DPP10: variants seen among roughly 807,000 people sequenced by gnomAD.
DPP10 encodes the protein inactive dipeptidyl peptidase 10.
Under a neutral mutation model 120.9 loss-of-function variants are expected in DPP10, and 33 were observed. That is an observed-to-expected ratio of 0.27 (90% CI 0.21 to 0.37). The LOEUF is 0.37. DPP10 is among the 10% of genes least tolerant of loss of function. The pLI is 1.00. For synonymous variants in DPP10, 337 were observed against 326.1 expected, an observed-to-expected ratio of 1.03 and a Z score of -0.36; for missense variants, 816 against 942.8, an observed-to-expected ratio of 0.87 and a Z score of 1.76.
chr2:114,614,302 A>G (rs1326988332), intron 1 of DPP10, among the ~76,000 whole-genome samples: 1 of 152,164 alleles, frequency 6.6e-6, no homozygotes, highest in East Asian at 1.9e-4. Context: ...TATGTTAAGC[A>G]TTGATCAAAC....
At chr2:115,468,546 G>A in intron 3 of DPP10, 1 of 427,660 alleles carries the variant, frequency 2.3e-6, no homozygotes, top group Non-Finnish European at 4.6e-6. Flanking sequence ...ACTCAACAAA[G>A]GAGCTCACTC....
intron 1 of DPP10, among the ~76,000 whole-genome samples, chr2:115,275,653 G>A (rs2059882524): frequency 6.6e-6 from 1 of 150,794 alleles, no homozygotes; most frequent in Admixed American, 6.6e-5. Context: ...TAAGCCATGG[G>A]AACAATTCTT....
chr2:114,985,378 T>A (rs1169743601), intron 1 of DPP10, among the ~76,000 whole-genome samples: 3 of 152,364 alleles, frequency 2.0e-5, no homozygotes, highest in East Asian at 1.9e-4. Context: ...TCACCATATT[T>A]ATTTTCTTCA....
chr2:114,655,053 C>T (rs767795332), intron 1 of DPP10, among the ~76,000 whole-genome samples: 4 of 152,104 alleles, frequency 2.6e-5, no homozygotes. Flanking sequence ...AACTTCGGTG[C>T]TTCATACACA....
chr2:115,205,201 C>T (rs1442780835), intron 1 of DPP10, among the ~76,000 whole-genome samples: 1 of 152,082 alleles, frequency 6.6e-6, no homozygotes, highest in African/African-American at 2.4e-5. Flanking sequence ...CCTAGATTTT[C>T]TTCTATAATT....
chr2:115,408,078 C>G (rs979856225), intron 3 of DPP10, among the ~76,000 whole-genome samples: 3 of 151,862 alleles, frequency 2.0e-5, no homozygotes, highest in Non-Finnish European at 4.4e-5. Context: ...TTGTATCTCC[C>G]AGTCTCGGTG....
intron 1 of DPP10, among the ~76,000 whole-genome samples, chr2:115,245,846 T>C (rs2105615944): frequency 6.6e-6 from 1 of 152,270 alleles, no homozygotes; most frequent in African/African-American, 2.4e-5. Flanking sequence ...TCCTTATATA[T>C]ATCTTAATGA....
chr2:114,543,395 A>G (rs987870424), intron 1 of DPP10, among the ~76,000 whole-genome samples: 10 of 152,192 alleles, frequency 6.6e-5, no homozygotes, highest in African/African-American at 2.4e-4. Flanking sequence ...CTAAAGAAAA[A>G]GTAGGAAATA....
chr2:114,945,586 G>C (rs1178457096), intron 1 of DPP10, among the ~76,000 whole-genome samples: 2 of 152,038 alleles, frequency 1.3e-5, no homozygotes, highest in Non-Finnish European at 2.9e-5. Flanking sequence ...AGGCCGAGGC[G>C]GGTGGATCAC....
chr2:115,087,502 T>C (rs1708807643), intron 1 of DPP10, among the ~76,000 whole-genome samples: 3 of 151,652 alleles, frequency 2.0e-5, no homozygotes, highest in Non-Finnish European at 4.4e-5. Context: ...CCTGAGACTA[T>C]GTCTTTCTTT....
chr2:115,175,848 AGGG>A (rs925794369), intron 1 of DPP10, among the ~76,000 whole-genome samples: 1 of 152,254 alleles, frequency 6.6e-6, no homozygotes, highest in Non-Finnish European at 1.5e-5. Context: ...GTATGTGGCT[AGGG>A]CTACTATATA....
intron 4 of DPP10, among the ~76,000 whole-genome samples, chr2:115,501,459 A>G (rs1220459032): frequency 6.6e-6 from 1 of 152,002 alleles, no homozygotes; most frequent in East Asian, 1.9e-4. Flanking sequence ...TCTGTGTTAT[A>G]TCTTTTTAAA....
chr2:115,098,568 A>G (rs1459308817), intron 1 of DPP10, among the ~76,000 whole-genome samples: 1 of 152,134 alleles, frequency 6.6e-6, no homozygotes, highest in Non-Finnish European at 1.5e-5. Flanking sequence ...TTGTGAATCT[A>G]AACATTAAAA....
At chr2:115,043,371 TAG>T (rs1704813638) in intron 1 of DPP10, among the ~76,000 whole-genome samples, 1 of 152,194 alleles carries the variant, frequency 6.6e-6, no homozygotes, top group Non-Finnish European at 1.5e-5. Context: ...ATCTCAAAAT[TAG>T]AGAGAGACCT....
chr2:114,622,351 C>T (rs960409596), intron 1 of DPP10, among the ~76,000 whole-genome samples: 1 of 151,706 alleles, frequency 6.6e-6, no homozygotes. Context: ...TTGAATTAGG[C>T]CCTGTCCAAC....
intron 1 of DPP10, among the ~76,000 whole-genome samples, chr2:115,261,207 G>A (rs1022162124): frequency 3.9e-5 from 6 of 152,150 alleles, no homozygotes; most frequent in Non-Finnish European, 7.3e-5. Context: ...GGAATCCGCC[G>A]GATCTATGCC....
rs567286550 is a variant in DPP10, at chr2:114,589,656, T to C, written c.60+146818T>C. On this transcript the variant is annotated intron_variant, in intron 1 of 25. Transcript: ENST00000410059. ...TCAGCACTAACTATACATACCAAGATAATACATTGAATAATTATCTTCTGG... is the reference window on the plus strand; with the variant it reads ...TCAGCACTAACTATACATACCAAGACAATACATTGAATAATTATCTTCTGG... Among the ~76,000 whole-genome samples the C allele has an allele frequency of 3.3e-5, 5 of 152,356 alleles. No homozygotes were observed. In the South Asian group the frequency reaches 1.0e-3, roughly 32 times the overall value.
At chr2:115,804,777 A>C (rs946942651) in intron 19 of DPP10, among the ~76,000 whole-genome samples, 41 of 152,078 alleles carry the variant, frequency 2.7e-4, no homozygotes, top group African/African-American at 9.2e-4. Flanking sequence ...CTGCTGCCTG[A>C]TTGTTCCTCT....
chr2:115,719,726 G>T (rs1327915954), intron 7 of DPP10, among the ~76,000 whole-genome samples: 1 of 152,114 alleles, frequency 6.6e-6, no homozygotes, highest in African/African-American at 2.4e-5. Context: ...TCTTAATGAA[G>T]TATAAATGCT....
Sources: allele counts gnomAD v4.1 joint callset (sites outside exome capture counted in the v4.1 genomes callset), GRCh38; gene constraint gnomAD v4.1.1; transcripts MANE v1.5; gene names NCBI Gene and HGNC (gene_info 2026-07-23, HGNC 2026-07-21).